LIN7A: variants seen among roughly 807,000 people sequenced by gnomAD.
The protein encoded by LIN7A is protein lin-7 homolog A.
Under a neutral mutation model 29.8 loss-of-function variants are expected in LIN7A, and 25 were observed. The observed-to-expected ratio is 0.84, with a 90% CI of 0.61 to 1.17. LIN7A has a LOEUF of 1.17. Among genes scored for constraint, LIN7A ranks in the 50% most tolerant of loss-of-function variants. The pLI is 0.00. For missense variants in LIN7A, 239 were observed against 287.0 expected, an observed-to-expected ratio of 0.83 and a Z score of 1.21; for synonymous variants, 118 against 107.5, an observed-to-expected ratio of 1.10 and a Z score of -0.60.
intron 1 of LIN7A, among the ~76,000 whole-genome samples, chr12:80,905,287 T>A (rs1876420696): frequency 6.6e-6 from 1 of 152,102 alleles, no homozygotes; most frequent in African/African-American, 2.4e-5. Flanking sequence ...CCTCCCACGT[T>A]CAAGCAATTC....
chr12:80,881,021 T>C (rs1466426183), intron 2 of LIN7A, among the ~76,000 whole-genome samples: 1 of 152,200 alleles, frequency 6.6e-6, no homozygotes, highest in Non-Finnish European at 1.5e-5. Context: ...CAAGCATTTC[T>C]AGAGTACTTG....
chr12:80,865,126 A>T (rs1448488126), intron 2 of LIN7A, among the ~76,000 whole-genome samples: 1 of 152,140 alleles, frequency 6.6e-6, no homozygotes, highest in African/African-American at 2.4e-5. Flanking sequence ...CCTGTTTCAA[A>T]GTTTATGGTG....
At chr12:80,914,577 T>C (rs539613957) in intron 1 of LIN7A, among the ~76,000 whole-genome samples, 13 of 152,236 alleles carry the variant, frequency 8.5e-5, no homozygotes, top group Non-Finnish European at 1.6e-4. Flanking sequence ...GCAACTCGCA[T>C]GTTTCACGTT....
chr12:80,826,104 C>T (rs1019537801), intron 4 of LIN7A, among the ~76,000 whole-genome samples: 1 of 152,054 alleles, frequency 6.6e-6, no homozygotes, highest in African/African-American at 2.4e-5. Flanking sequence ...TGCTTTCTTG[C>T]AGGAGAAGTC....
At chr12:80,888,451 T>C (rs1290071716) in intron 2 of LIN7A, among the ~76,000 whole-genome samples, 1 of 152,156 alleles carries the variant, frequency 6.6e-6, no homozygotes, top group Non-Finnish European at 1.5e-5. Context: ...TACGCTACAA[T>C]AAACTCTGTA....
At chr12:80,937,535 TCTC>T (rs1458798950) in intron 1 of LIN7A, 103 bp downstream of exon 1, 7 of 758,308 alleles carry the variant, frequency 9.2e-6, no homozygotes, top group Admixed American at 4.0e-5. Flanking sequence ...TCGTTCCCCT[TCTC>T]CTCCTGCCTG....
At chr12:80,884,989 C>A (rs775520963) in intron 2 of LIN7A, among the ~76,000 whole-genome samples, 1 of 152,084 alleles carries the variant, frequency 6.6e-6, no homozygotes, top group Non-Finnish European at 1.5e-5. Flanking sequence ...GATGATAGTA[C>A]ATAGATTTTT....
At chr12:80,925,434 T>C (rs1046033857) in intron 1 of LIN7A, among the ~76,000 whole-genome samples, 1 of 152,192 alleles carries the variant, frequency 6.6e-6, no homozygotes, top group Non-Finnish European at 1.5e-5. Flanking sequence ...ACATTCTCTG[T>C]CCTTGTCTCT....
chr12:80,911,488 C>T (rs1876747142), intron 1 of LIN7A, among the ~76,000 whole-genome samples: 1 of 151,950 alleles, frequency 6.6e-6, no homozygotes, highest in South Asian at 2.1e-4. Flanking sequence ...ATAAACAAGA[C>T]ATTTAATCAT....
At chr12:80,868,222 T>C (rs1408331715) in intron 2 of LIN7A, among the ~76,000 whole-genome samples, 1 of 152,230 alleles carries the variant, frequency 6.6e-6, no homozygotes, top group Non-Finnish European at 1.5e-5. Context: ...TCTTCCAGCA[T>C]GTCACTGTTT....
At chr12:80,800,229 C>G (rs1399559715) in intron 5 of LIN7A, among the ~76,000 whole-genome samples, 2 of 152,028 alleles carry the variant, frequency 1.3e-5, no homozygotes, top group African/African-American at 4.8e-5. Context: ...GTGGCTCACA[C>G]CTGTAATCCC....
chr12:80,821,254 C>T (rs1021541985), intron 4 of LIN7A, among the ~76,000 whole-genome samples: 1 of 152,144 alleles, frequency 6.6e-6, no homozygotes, highest in Non-Finnish European at 1.5e-5. Context: ...GACCTCTCCC[C>T]TCTCAGCTAG....
Position 80,828,899 on chromosome 12 carries a change from G to A in LIN7A, c.483+16831C>T, listed in dbSNP as rs376510257. Among the ~76,000 whole-genome samples the A allele has an allele frequency of 2.8e-4, 42 of 152,260 alleles. No individual in the cohort carries two copies. The South Asian group carries it at 7.9e-3, about 29-fold the overall frequency. ...GTGTTTCTACACGTGGAGAGAGAGA[G>A]GGGCTGGAACGGATTGAGGAAAACA... On this transcript the variant is annotated intron_variant, in intron 4 of 5. Coordinates refer to ENST00000552864, the MANE Select transcript of LIN7A (RefSeq NM_004664.4).
At chr12:80,897,050 A>ATT (rs1875940043) in intron 1 of LIN7A, among the ~76,000 whole-genome samples, 1 of 152,198 alleles carries the variant, frequency 6.6e-6, no homozygotes, top group East Asian at 1.9e-4. Context: ...TAGGAACTAT[A>ATT]TTTAGCATTT....
intron 4 of LIN7A, among the ~76,000 whole-genome samples, chr12:80,832,133 C>T (rs1872380331): frequency 6.6e-6 from 1 of 152,128 alleles, no homozygotes; most frequent in Non-Finnish European, 1.5e-5. Context: ...GACATATTGG[C>T]ACAATATTTC....
Position 80,873,524 on chromosome 12 carries a change from C to A in LIN7A, c.201+15727G>T, listed in dbSNP as rs370917488. 1.6e-4 allele frequency among the ~76,000 whole-genome samples: 23 copies of A among 145,308 alleles called. No homozygotes were observed. The East Asian group carries it at 3.8e-3, about 24-fold the overall frequency. ...CTCCAGCCTGGGCAATAGAGCGAGACCCTGTCTCTAAAAAAAAAAAGAAAA... is the reference window on the plus strand; with the variant it reads ...CTCCAGCCTGGGCAATAGAGCGAGAACCTGTCTCTAAAAAAAAAAAGAAAA... On this transcript the variant is annotated intron_variant, in intron 2 of 5. Coordinates refer to ENST00000552864, the MANE Select transcript of LIN7A (RefSeq NM_004664.4).
intron 1 of LIN7A, among the ~76,000 whole-genome samples, chr12:80,907,721 A>T (rs781135842): frequency 6.6e-6 from 1 of 152,126 alleles, no homozygotes; most frequent in South Asian, 2.1e-4. Context: ...GATTCCATAG[A>T]GTGTTACACC....
intron 2 of LIN7A, among the ~76,000 whole-genome samples, chr12:80,855,751 A>T (rs964234779): frequency 7.9e-5 from 12 of 152,146 alleles, no homozygotes; most frequent in Non-Finnish European, 2.9e-5. Flanking sequence ...GTAAATGTAC[A>T]TACTGTACTT....
chr12:80,845,905 T>G lies in LIN7A; in HGVS notation c.308A>C (p.His103Pro). 2 of 1,598,532 alleles carry G rather than the reference T, an allele frequency of 1.3e-6. No individual in the cohort carries two copies. Among genetic ancestry groups the G allele is most frequent in the African/African-American group, 1.4e-5 (1 of 72,044 alleles). ...CAGTTCAACTACTCGAGGGTGGGAG[T>G]GGCCTTCACTAGCTGCAAAAGCTGC... ...TVAAFAASEG[H>P]SHPRVVELPK... The change falls in exon 4 of 6, where the codon CAC (histidine) becomes CCC (proline). Residue 103 changes from histidine (H) to proline (P), a missense_variant. Physicochemically the swap from His to Pro is moderately conservative, Grantham distance 77. Coordinates refer to ENST00000552864, the MANE Select transcript of LIN7A (RefSeq NM_004664.4).
Sources: allele counts gnomAD v4.1 joint callset (sites outside exome capture counted in the v4.1 genomes callset), GRCh38; gene constraint gnomAD v4.1.1; transcripts MANE v1.5; gene names NCBI Gene and HGNC (gene_info 2026-07-23, HGNC 2026-07-21).